ADAMTSL1: variants seen among roughly 807,000 people sequenced by gnomAD.
ADAMTSL1 encodes the protein ADAMTS-like protein 1.
Under a neutral mutation model 201.8 loss-of-function variants are expected in ADAMTSL1, and 126 were observed. That is an observed-to-expected ratio of 0.62 (90% CI 0.54 to 0.72). ADAMTSL1 has a LOEUF of 0.72. ADAMTSL1 is among the 30% of genes least tolerant of loss of function. The pLI is 0.00. For missense variants in ADAMTSL1, 2,679 were observed against 2,277.8 expected, an observed-to-expected ratio of 1.18 and a Z score of -3.59; for synonymous variants, 1,121 against 903.4, an observed-to-expected ratio of 1.24 and a Z score of -4.32.
intron 4 of ADAMTSL1, among the ~76,000 whole-genome samples, chr9:18,598,873 G>A (rs187603789): frequency 6.8e-4 from 103 of 152,230 alleles, no homozygotes; most frequent in African/African-American, 2.5e-3. Context: ...AGAAAGGGAC[G>A]GGGTGGGCTG....
intron 22 of ADAMTSL1, among the ~76,000 whole-genome samples, chr9:18,828,695 A>ATATATATACATATAT (rs59734310): frequency 2.5e-5 from 1 of 40,250 alleles, no homozygotes; most frequent in African/African-American, 9.6e-5. Context: ...TATATATATA[A>ATATATATACATATAT]AATGTGTGTG....
intron 1 of ADAMTSL1, among the ~76,000 whole-genome samples, chr9:17,926,539 C>G (rs1826540719): frequency 6.6e-6 from 1 of 152,196 alleles, no homozygotes; most frequent in South Asian, 2.1e-4. Context: ...TAAATAAATA[C>G]TTCCACTCAG....
chr9:18,191,494 C>G (rs1174635106), intron 2 of ADAMTSL1, among the ~76,000 whole-genome samples: 1 of 152,136 alleles, frequency 6.6e-6, no homozygotes, highest in South Asian at 2.1e-4. Flanking sequence ...AGGAACCTCA[C>G]AAGTTCAGCC....
intron 2 of ADAMTSL1, among the ~76,000 whole-genome samples, chr9:18,289,035 T>A (rs767149385): frequency 2.0e-5 from 3 of 152,164 alleles, no homozygotes; most frequent in Non-Finnish European, 4.4e-5. Context: ...TGAGTCTAAG[T>A]TAGAGGTAGT....
chr9:18,895,474 G>A (rs1829571060), intron 26 of ADAMTSL1, among the ~76,000 whole-genome samples: 1 of 142,636 alleles, frequency 7.0e-6, no homozygotes, highest in African/African-American at 2.7e-5. Context: ...CAACGTGGCA[G>A]CCACTACTTG....
intron 14 of ADAMTSL1, among the ~76,000 whole-genome samples, chr9:18,713,001 G>A (rs1034432382): frequency 6.6e-6 from 1 of 151,802 alleles, no homozygotes; most frequent in South Asian, 2.1e-4. Context: ...GCCAAACTAA[G>A]CTTCATAAAT....
intron 23 of ADAMTSL1, among the ~76,000 whole-genome samples, chr9:18,851,182 C>T (rs1826470792): frequency 6.6e-6 from 1 of 152,158 alleles, no homozygotes; most frequent in East Asian, 1.9e-4. Context: ...CTATGCCAAG[C>T]TCTCGATGGG....
chr9:18,192,048 A>G (rs1428246875), intron 2 of ADAMTSL1, among the ~76,000 whole-genome samples: 1 of 152,132 alleles, frequency 6.6e-6, no homozygotes, highest in Non-Finnish European at 1.5e-5. Flanking sequence ...ATTCTTTCCT[A>G]AAAGTGGTAC....
chr9:18,147,898 T>C (rs967339766), intron 1 of ADAMTSL1, among the ~76,000 whole-genome samples: 4 of 152,102 alleles, frequency 2.6e-5, no homozygotes, highest in Non-Finnish European at 4.4e-5. Context: ...TTTATCTCCA[T>C]ATTGGAGATA....
intron 16 of ADAMTSL1, among the ~76,000 whole-genome samples, chr9:18,757,741 T>G (rs1247067246): frequency 6.6e-6 from 1 of 152,158 alleles, no homozygotes; most frequent in Non-Finnish European, 1.5e-5. Context: ...CCCACTCAGG[T>G]GCTTTCTCAT....
intron 2 of ADAMTSL1, among the ~76,000 whole-genome samples, chr9:18,285,507 T>C (rs952221863): frequency 6.6e-6 from 1 of 152,138 alleles, no homozygotes; most frequent in Non-Finnish European, 1.5e-5. Flanking sequence ...TCTAGTGTGT[T>C]TCACCTTTTA....
intron 3 of ADAMTSL1, among the ~76,000 whole-genome samples, chr9:18,552,537 A>C (rs1479556639): frequency 6.6e-6 from 1 of 151,666 alleles, no homozygotes; most frequent in Non-Finnish European, 1.5e-5. Context: ...CTGGAGTGTA[A>C]ATTTCTATAT....
At position 18,439,808 on chromosome 9, in the gene ADAMTSL1, A is replaced by G. The variant is rs1360895981; in HGVS notation, c.208-65021A>G. On this transcript the variant is annotated intron_variant, in intron 2 of 29. Transcript: ENST00000680146. The stretch of plus-strand genomic sequence containing the variant: ...TCAGGCAAGTTTCTAGGCACTTTAT[A>G]TTATTATCCCATTTCATCTTCATAC... Among the ~76,000 whole-genome samples the G allele has an allele frequency of 3.9e-5, 6 of 152,242 alleles. No individual in the cohort carries two copies. In the East Asian group the frequency reaches 1.2e-3, roughly 29 times the overall value.
chr9:18,416,759 G>C (rs1818693874), intron 2 of ADAMTSL1, among the ~76,000 whole-genome samples: 1 of 151,906 alleles, frequency 6.6e-6, no homozygotes, highest in Non-Finnish European at 1.5e-5. Context: ...ATTTTTAAAA[G>C]AGCTTCTAAA....
chr9:18,555,184 C>T (rs188723283), intron 3 of ADAMTSL1, among the ~76,000 whole-genome samples: 2 of 151,794 alleles, frequency 1.3e-5, no homozygotes, highest in Admixed American at 1.3e-4. Context: ...TATTCATCTT[C>T]TTCCACAACT....
intron 4 of ADAMTSL1, among the ~76,000 whole-genome samples, chr9:18,588,868 C>CATATATATACATATACATATACATAT (rs1823702399): frequency 8.8e-6 from 1 of 113,734 alleles, no homozygotes; most frequent in Non-Finnish European, 1.8e-5. Flanking sequence ...AGCTTTGTGC[C>CATATATATACATATACATATACATAT]ATATATATAC....
intron 23 of ADAMTSL1, among the ~76,000 whole-genome samples, chr9:18,841,761 C>A (rs1223079388): frequency 6.6e-6 from 1 of 152,106 alleles, no homozygotes. Context: ...CTGGTTTAGT[C>A]TTGGGAGGGT....
intron 1 of ADAMTSL1, among the ~76,000 whole-genome samples, chr9:18,111,505 T>C (rs1825007125): frequency 6.6e-6 from 1 of 152,188 alleles, no homozygotes; most frequent in African/African-American, 2.4e-5. Context: ...TATGTATCTG[T>C]GAAATGGGAA....
chr9:18,311,585 G>T (rs1834159398), intron 2 of ADAMTSL1, among the ~76,000 whole-genome samples: 1 of 152,096 alleles, frequency 6.6e-6, no homozygotes, highest in Non-Finnish European at 1.5e-5. Flanking sequence ...TGAACATCAT[G>T]AACAGATAGA....
Sources: gnomAD v4.1 joint callset for allele counts (sites outside exome capture counted in the v4.1 genomes callset) on GRCh38, gnomAD v4.1.1 for gene constraint, MANE v1.5 for transcripts, NCBI Gene and HGNC (gene_info 2026-07-23, HGNC 2026-07-21) for gene names.